Variants in NOL4 observed in about 807,000 individuals in gnomAD.
NOL4 encodes nucleolar protein 4.
A neutral mutation model predicts 75.9 loss-of-function variants in NOL4; 17 were observed. That is an observed-to-expected ratio of 0.22 (90% CI 0.15 to 0.34). NOL4 has a LOEUF of 0.34. NOL4 is among the 10% of genes least tolerant of loss of function. The pLI, the probability that NOL4 is intolerant of heterozygous loss-of-function variation, is 1.00. For synonymous variants in NOL4, 292 were observed against 289.9 expected (o/e 1.01, Z -0.07); for missense variants, 614 against 793.5 (o/e 0.77, Z 2.72).
intron 6 of NOL4, among the ~76,000 whole-genome samples, chr18:33,958,931 A>G (rs1488257736): frequency 6.6e-6 from 1 of 152,146 alleles, no homozygotes; most frequent in South Asian, 2.1e-4. Context: ...CAATTAACTT[A>G]CCCAGCAAGA....
At chr18:34,042,366 A>G (rs1244988845) in intron 5 of NOL4, among the ~76,000 whole-genome samples, 1 of 152,038 alleles carries the variant, frequency 6.6e-6, no homozygotes, top group Admixed American at 6.6e-5. Context: ...GCCAGAAAAC[A>G]TGATGGTATT....
At chr18:33,978,803 T>C (rs1431346914) in intron 6 of NOL4, among the ~76,000 whole-genome samples, 4 of 151,802 alleles carry the variant, frequency 2.6e-5, no homozygotes, top group Admixed American at 2.0e-4. Context: ...ATAATTATTA[T>C]ATTTTTGTTT....
chr18:33,861,517 TTCTC>T (rs2063130022), intron 10 of NOL4, among the ~76,000 whole-genome samples: 1 of 152,176 alleles, frequency 6.6e-6, no homozygotes, highest in African/African-American at 2.4e-5. Flanking sequence ...TATTTGATTC[TTCTC>T]TCTTTTTTTC....
intron 9 of NOL4, among the ~76,000 whole-genome samples, chr18:33,920,080 G>A (rs887578903): frequency 4.0e-5 from 6 of 151,812 alleles, no homozygotes; most frequent in Admixed American, 3.9e-4. Context: ...ATCTATCATT[G>A]ATTTTAGATT....
At chr18:33,968,494 T>A (rs1029783488) in intron 6 of NOL4, among the ~76,000 whole-genome samples, 1 of 152,144 alleles carries the variant, frequency 6.6e-6, no homozygotes, top group African/African-American at 2.4e-5. Flanking sequence ...CAGCTGTAGG[T>A]CATTATCCTA....
intron 2 of NOL4, among the ~76,000 whole-genome samples, 196 bp downstream of exon 2, chr18:34,129,675 A>G (rs1480670026): frequency 6.6e-6 from 1 of 151,858 alleles, no homozygotes; most frequent in Non-Finnish European, 1.5e-5. Context: ...AAAATTCTAG[A>G]GACAGTTTTA....
chr18:34,012,717 T>C (rs1432140580), intron 6 of NOL4, among the ~76,000 whole-genome samples: 1 of 152,004 alleles, frequency 6.6e-6, no homozygotes, highest in Non-Finnish European at 1.5e-5. Flanking sequence ...GAGGCATCTG[T>C]TACATTCTTT....
At chr18:33,916,944 A>G (rs1297274457) in intron 9 of NOL4, among the ~76,000 whole-genome samples, 3 of 152,214 alleles carry the variant, frequency 2.0e-5, no homozygotes, top group Admixed American at 1.3e-4. Context: ...AAACAATGGA[A>G]CTACATAGAC....
chr18:34,206,513 T>C (rs1319044416), intron 1 of NOL4, among the ~76,000 whole-genome samples: 1 of 152,168 alleles, frequency 6.6e-6, no homozygotes, highest in African/African-American at 2.4e-5. Context: ...TCTAAAAAAA[T>C]GTTTCACTAG....
intron 6 of NOL4, among the ~76,000 whole-genome samples, chr18:33,994,277 G>A (rs1037137894): frequency 1.3e-5 from 2 of 151,636 alleles, no homozygotes; most frequent in Admixed American, 6.6e-5. Context: ...AAAACCAGAA[G>A]ACCTAAAAAC....
intron 6 of NOL4, among the ~76,000 whole-genome samples, chr18:33,984,382 A>G (rs998643777): frequency 2.0e-5 from 3 of 152,046 alleles, no homozygotes; most frequent in Non-Finnish European, 2.9e-5. Flanking sequence ...AAGCTTCCCA[A>G]TGCTATAATA....
chr18:33,867,904 T>C (rs983669698), intron 10 of NOL4, among the ~76,000 whole-genome samples: 1 of 152,060 alleles, frequency 6.6e-6, no homozygotes, highest in African/African-American at 2.4e-5. Context: ...AAAAGACCAA[T>C]GTCTTGGCTC....
chr18:34,034,519 A>T (rs1318501053), intron 5 of NOL4, among the ~76,000 whole-genome samples: 1 of 152,202 alleles, frequency 6.6e-6, no homozygotes, highest in Non-Finnish European at 1.5e-5. Flanking sequence ...CGGGTGGATC[A>T]CTTGAGGCCA....
At chr18:34,158,582 G>A (rs544479157) in intron 1 of NOL4, 5 of 152,192 alleles carry the variant, frequency 3.3e-5, no homozygotes, top group East Asian at 3.9e-4. Context: ...TCGTTTTTAC[G>A]TACTATGTAT....
At chr18:33,996,329 T>A (rs1040087139) in intron 6 of NOL4, among the ~76,000 whole-genome samples, 4 of 151,852 alleles carry the variant, frequency 2.6e-5, no homozygotes, top group Non-Finnish European at 5.9e-5. Flanking sequence ...GATACAAGAT[T>A]CATATACAAA....
chr18:34,220,541 A>C (rs1039511759), intron 1 of NOL4, among the ~76,000 whole-genome samples: 7 of 152,220 alleles, frequency 4.6e-5, no homozygotes, highest in Non-Finnish European at 8.8e-5. Flanking sequence ...ATCGGAAAGA[A>C]AAATCAATGT....
intron 6 of NOL4, among the ~76,000 whole-genome samples, chr18:33,967,474 C>G (rs1005026991): frequency 6.6e-6 from 1 of 152,012 alleles, no homozygotes; most frequent in African/African-American, 2.4e-5. Context: ...CAAGTGGGAC[C>G]CAAATAAACT....
chr18:34,052,317 C>T (rs1456235023), intron 5 of NOL4, among the ~76,000 whole-genome samples: 1 of 151,916 alleles, frequency 6.6e-6, no homozygotes, highest in Admixed American at 6.6e-5. Context: ...ATTGCCCTTA[C>T]TTTGACACCA....
intron 6 of NOL4, among the ~76,000 whole-genome samples, chr18:34,014,588 G>A (rs912564562): frequency 6.6e-6 from 1 of 151,716 alleles, no homozygotes; most frequent in Non-Finnish European, 1.5e-5. Context: ...GTGTTTGATT[G>A]GCCTTTCATT....
Sources: gnomAD v4.1 joint callset for allele counts (sites outside exome capture counted in the v4.1 genomes callset) on GRCh38, gnomAD v4.1.1 for gene constraint, MANE v1.5 for transcripts, NCBI Gene and HGNC (gene_info 2026-07-23, HGNC 2026-07-21) for gene names.